The following L3MBTL4 variants were observed in gnomAD, a reference collection of about 807,000 sequenced individuals.
L3MBTL4 encodes the protein lethal(3)malignant brain tumor-like protein 4.
A neutral mutation model predicts 84.5 loss-of-function variants in L3MBTL4; 70 were observed. The observed-to-expected ratio is 0.83, with a 90% confidence interval of 0.68 to 1.01. The LOEUF (loss-of-function observed/expected upper bound fraction) is 1.01, where lower values mean the gene tolerates loss of function less well. Ranked by LOEUF, L3MBTL4 falls within the 50% of genes least tolerant of loss-of-function variation. The pLI is 0.00. For synonymous variants in L3MBTL4, 274 were observed against 259.8 expected (o/e 1.05, Z -0.52); for missense variants, 715 against 754.8 (o/e 0.95, Z 0.62).
intron 15 of L3MBTL4, chr18:6,081,417 T>C (rs2058073895): frequency 6.6e-6 from 1 of 152,660 alleles, no homozygotes; most frequent in Non-Finnish European, 1.5e-5. Context: ...TTTAAAATGC[T>C]GCAGTATGTA....
intron 16 of L3MBTL4, among the ~76,000 whole-genome samples, chr18:6,068,841 T>C (rs1363370423): frequency 6.6e-6 from 1 of 152,162 alleles, no homozygotes; most frequent in Non-Finnish European, 1.5e-5. Context: ...AACGTCCCAC[T>C]AGTGGAAAGA....
chr18:5,968,603 G>C (rs1199831782), intron 17 of L3MBTL4, among the ~76,000 whole-genome samples: 4 of 151,982 alleles, frequency 2.6e-5, no homozygotes, highest in Non-Finnish European at 4.4e-5. Context: ...AGGTTGAAGT[G>C]GGAGGATCGC....
chr18:6,281,008 C>G (rs1028777237), intron 4 of L3MBTL4, among the ~76,000 whole-genome samples: 1 of 151,926 alleles, frequency 6.6e-6, no homozygotes. Context: ...ACTGCTTGAG[C>G]CGCTATGTCT....
rs2050833854 is a variant in L3MBTL4, at chr18:6,311,566, CT to C, written c.59del (p.Gln20ArgfsTer21). On this transcript the variant is annotated frameshift_variant, in exon 3 of 19. Transcript: ENST00000317931. LOFTEE classifies it high-confidence loss of function. ...ATGGACATCTTACCAAGCGTCCGTC[CT>C]GATCCAAACGCTCTTTGGAATCCAT... ...LNMDSKERLD[Q>X]DGRLEQAEEE... The C allele has an allele frequency of 1.2e-6, 2 of 1,613,072 alleles. No homozygotes were observed. The highest frequency in any genetic ancestry group is 3.3e-5 in the Admixed American group (2 of 59,980).
chr18:6,058,488 G>GT (rs1160731614), intron 16 of L3MBTL4, among the ~76,000 whole-genome samples: 2 of 151,468 alleles, frequency 1.3e-5, no homozygotes, highest in African/African-American at 4.9e-5. Flanking sequence ...TGTTTTTGTT[G>GT]TTTTTTTTCA....
chr18:6,104,810 T>C (rs937118579), intron 14 of L3MBTL4, among the ~76,000 whole-genome samples: 10 of 152,248 alleles, frequency 6.6e-5, no homozygotes, highest in Admixed American at 3.9e-4. Context: ...TAGATTCATA[T>C]ATGTATAGAT....
chr18:6,092,562 C>A (rs550093001), intron 15 of L3MBTL4, among the ~76,000 whole-genome samples: 2 of 152,328 alleles, frequency 1.3e-5, no homozygotes, highest in East Asian at 3.9e-4. Flanking sequence ...TTGCCTTTTG[C>A]CTGTGGCAGG....
chr18:5,966,157 T>G (rs893904879), intron 17 of L3MBTL4, among the ~76,000 whole-genome samples: 1 of 152,082 alleles, frequency 6.6e-6, no homozygotes, highest in African/African-American at 2.4e-5. Context: ...CACCTCCCAA[T>G]CCCGTGATTT....
chr18:6,262,354 C>T (rs1458056284), intron 5 of L3MBTL4, among the ~76,000 whole-genome samples: 5 of 152,296 alleles, frequency 3.3e-5, no homozygotes, highest in Middle Eastern at 3.4e-3. Context: ...CACTCAACAG[C>T]GACTGATCAT....
chr18:6,210,133 G>T (rs1242925508), intron 12 of L3MBTL4, among the ~76,000 whole-genome samples: 4 of 152,150 alleles, frequency 2.6e-5, no homozygotes, highest in Admixed American at 2.6e-4. Context: ...TACGTGAATT[G>T]TATCTCAAAA....
chr18:6,399,427 C>T (rs190342388), intron 1 of L3MBTL4, among the ~76,000 whole-genome samples: 3 of 151,444 alleles, frequency 2.0e-5, no homozygotes, highest in African/African-American at 7.3e-5. Context: ...CAGAGCAAGA[C>T]TCCATCACAA....
chr18:5,994,783 T>C (rs951181514), intron 16 of L3MBTL4, among the ~76,000 whole-genome samples: 2 of 152,140 alleles, frequency 1.3e-5, no homozygotes, highest in African/African-American at 4.8e-5. Flanking sequence ...AGTAAAACTG[T>C]CTCCTTCAAC....
chr18:6,101,890 A>G (rs2058844921), intron 14 of L3MBTL4, among the ~76,000 whole-genome samples: 2 of 152,120 alleles, frequency 1.3e-5, no homozygotes, highest in Admixed American at 6.5e-5. Context: ...GTGCCCTTAG[A>G]CCGAAGTCGA....
chr18:6,090,721 C>T (rs889847074), intron 15 of L3MBTL4, among the ~76,000 whole-genome samples: 4 of 151,100 alleles, frequency 2.6e-5, no homozygotes, highest in Non-Finnish European at 5.9e-5. Context: ...GCTTCCCAGG[C>T]TCAAGTGATC....
chr18:6,002,990 G>A (rs1475335370), intron 16 of L3MBTL4, among the ~76,000 whole-genome samples: 1 of 149,838 alleles, frequency 6.7e-6, no homozygotes, highest in Non-Finnish European at 1.5e-5. Context: ...AGTTTGAAAG[G>A]GAAAAGATGT....
At chr18:6,034,768 T>A (rs574746146) in intron 16 of L3MBTL4, among the ~76,000 whole-genome samples, 2 of 143,016 alleles carry the variant, frequency 1.4e-5, no homozygotes, top group Non-Finnish European at 3.1e-5. Context: ...CCACCAACAG[T>A]GTAAAAGTGT....
intron 14 of L3MBTL4, among the ~76,000 whole-genome samples, chr18:6,116,406 G>A (rs1598802159): frequency 6.7e-6 from 1 of 148,844 alleles, no homozygotes; most frequent in East Asian, 2.0e-4. Flanking sequence ...TGTAGCTCAG[G>A]CTGAAGTGCA....
At chr18:6,126,172 A>AGG (rs2059687624) in intron 14 of L3MBTL4, among the ~76,000 whole-genome samples, 1 of 152,224 alleles carries the variant, frequency 6.6e-6, no homozygotes, top group South Asian at 2.1e-4. Flanking sequence ...CATATAACTT[A>AGG]GTACTTGGAT....
At chr18:6,187,758 G>T (rs549597195) in intron 12 of L3MBTL4, among the ~76,000 whole-genome samples, 234 of 151,864 alleles carry the variant, frequency 1.5e-3, no homozygotes, top group African/African-American at 5.5e-3. Flanking sequence ...ATGAATGTTT[G>T]CAATTAACAT....
Sources: gnomAD v4.1 joint callset for allele counts (sites outside exome capture counted in the v4.1 genomes callset) on GRCh38, gnomAD v4.1.1 for gene constraint, MANE v1.5 for transcripts, NCBI Gene and HGNC (gene_info 2026-07-23, HGNC 2026-07-21) for gene names.